Variants in UBE2Q1 observed in about 807,000 individuals in gnomAD.
UBE2Q1 encodes the protein ubiquitin conjugating enzyme E2 Q1.
Under a neutral mutation model 60.1 loss-of-function variants are expected in UBE2Q1, and 6 were observed. The ratio of observed to expected loss-of-function variants is 0.10; its 90% CI spans 0.05 to 0.20. UBE2Q1 has a LOEUF of 0.20. Among genes scored for constraint, UBE2Q1 ranks in the 10% least tolerant of loss-of-function variants. UBE2Q1 has a pLI of 1.00. For synonymous variants in UBE2Q1, 226 were observed against 208.3 expected, an observed-to-expected ratio of 1.09 and a Z score of -0.73; for missense variants, 262 against 525.8, an observed-to-expected ratio of 0.50 and a Z score of 4.91.
chr1:154,554,539 T>C, intron 4 of UBE2Q1, 196 bp downstream of exon 4: 1 of 553,642 alleles, frequency 1.8e-6, no homozygotes, highest in Non-Finnish European at 3.2e-6. Flanking sequence ...TGAACCGCGC[T>C]GCACCTGTCT....
rs1695794037 is a variant in UBE2Q1, at chr1:154,551,751, A to C, written c.1074+20T>G. ...ATCCCCGCCCAGGCCGGCCTGGCCA[A>C]GGAGGAGAGACAGGCTCACCTGTTT... On this transcript the variant is annotated intron_variant, in intron 10 of 12. Coordinates refer to ENST00000292211, the MANE Select transcript of UBE2Q1 (RefSeq NM_017582.7). The C allele has an allele frequency of 6.2e-7, 1 of 1,614,022 alleles. No individual in the cohort carries two copies. Among genetic ancestry groups the C allele is most frequent in the Non-Finnish European group, 8.5e-7 (1 of 1,179,982 alleles).
rs756189850 is a variant in UBE2Q1, at chr1:154,551,754, A to T, written c.1074+17T>A. 1 of 1,614,140 alleles carries T rather than the reference A, an allele frequency of 6.2e-7. No individual in the cohort carries two copies. Among genetic ancestry groups the T allele is most frequent in the Non-Finnish European group, 8.5e-7 (1 of 1,180,004 alleles). ...CCCGCCCAGGCCGGCCTGGCCAAGG[A>T]GGAGAGACAGGCTCACCTGTTTGGT... On this transcript the variant is annotated intron_variant, in intron 10 of 12. Coordinates refer to ENST00000292211, the MANE Select transcript of UBE2Q1 (RefSeq NM_017582.7).
chr1:154,556,017 C>T lies in UBE2Q1; in HGVS notation c.328-53G>A, dbSNP rs1695879867. On this transcript the variant is annotated intron_variant, in intron 1 of 12. Transcript: ENST00000292211. ...TCAAAATGGGTGACTCTGGGAAAAGCCAGATTTTGCCTGTCCTCTTCCCCC... is the reference window on the plus strand; with the variant it reads ...TCAAAATGGGTGACTCTGGGAAAAGTCAGATTTTGCCTGTCCTCTTCCCCC... 7 of 1,518,302 alleles carry T rather than the reference C, an allele frequency of 4.6e-6. No homozygotes were observed. The Admixed American group carries it at 8.4e-5, about 18-fold the overall frequency. 94.1% of individuals were successfully genotyped at this position (1,518,302 alleles called of 1,614,324 possible).
chr1:154,553,238 C>T (rs1476415539), intron 4 of UBE2Q1, 66 bp from the exon 5 acceptor site: 2 of 1,565,304 alleles, frequency 1.3e-6, no homozygotes, highest in African/African-American at 2.7e-5. Context: ...AGAGAATGAC[C>T]ATCACCTTCC....
chr1:154,558,449 CG>C lies in UBE2Q1; in HGVS notation c.104del (p.Pro35ArgfsTer7). The C allele has an allele frequency of 6.8e-7, 1 of 1,468,408 alleles. No individual in the cohort carries two copies. 91.0% of individuals were successfully genotyped at this position (1,468,408 alleles called of 1,614,324 possible). A position where few individuals can be genotyped will look rare whatever the true frequency, so the allele number is the denominator to read the frequency against. ...CTCGCCTCAGGCAGGGCCCCGGCCC[CG>C]GGCCCCCCCCTGGGCCGCCCCCGGC... ...PGAGGGPGGG[P>X]GPGPCLRREL... On this transcript the variant is annotated frameshift_variant, in exon 1 of 13. Transcript: ENST00000292211. LOFTEE classifies it high-confidence loss of function.
At chr1:154,557,432 T>C (rs1412034014) in intron 1 of UBE2Q1, among the ~76,000 whole-genome samples, 1 of 152,166 alleles carries the variant, frequency 6.6e-6, no homozygotes, top group Admixed American at 6.5e-5. Context: ...GCAGGAGACA[T>C]GTAAGGTGTA....
At chr1:154,552,499 G>A (rs1338271215) in intron 6 of UBE2Q1, 35 bp from the exon 7 acceptor site, 1 of 1,612,458 alleles carries the variant, frequency 6.2e-7, no homozygotes, top group South Asian at 1.1e-5. Flanking sequence ...TTAGTAGAAT[G>A]GTCCAGGTGG....
chr1:154,558,126 G>A (rs1028823306), intron 1 of UBE2Q1, 101 bp downstream of exon 1: 2 of 964,722 alleles, frequency 2.1e-6, no homozygotes, highest in Non-Finnish European at 3.0e-6. Context: ...CCTGAGAGGG[G>A]CTTCGGCCTC....
chr1:154,554,627 C>A, intron 4 of UBE2Q1, 108 bp downstream of exon 4: 1 of 1,171,260 alleles, frequency 8.5e-7, no homozygotes, highest in African/African-American at 1.5e-5. Context: ...GTCTTTATTC[C>A]TTTGATATTT....
intron 2 of UBE2Q1, 38 bp downstream of exon 2, chr1:154,555,822 T>G: frequency 6.3e-7 from 1 of 1,592,288 alleles, no homozygotes; most frequent in Non-Finnish European, 8.6e-7. Context: ...ATGGGCCTCA[T>G]AAGAACAAAA....
In UBE2Q1 at chr1:154,558,577, G is replaced by A. The variant is rs1695936332; in HGVS notation, c.-24C>T. 2 of 1,019,004 alleles carry A rather than the reference G, an allele frequency of 2.0e-6. No homozygotes were observed. The highest frequency in any genetic ancestry group is 2.3e-6 in the Non-Finnish European group (2 of 856,502). 63.1% of individuals were successfully genotyped at this position (1,019,004 alleles called of 1,614,324 possible). Reference sequence around the variant, plus strand: ...ATCCTCCGCTCCGCTCCGCTCCGGGGCCGGCGGGCCGGGAGCCTCCGGCCT... The same window carrying A: ...ATCCTCCGCTCCGCTCCGCTCCGGGACCGGCGGGCCGGGAGCCTCCGGCCT... On this transcript the variant is annotated 5_prime_UTR_variant, in exon 1 of 13. Coordinates refer to ENST00000292211, the MANE Select transcript of UBE2Q1 (RefSeq NM_017582.7).
intron 6 of UBE2Q1, 74 bp downstream of exon 6, chr1:154,552,662 C>T (rs1478353901): frequency 6.4e-7 from 1 of 1,553,742 alleles, no homozygotes; most frequent in African/African-American, 1.4e-5. Flanking sequence ...ACCCCAGAAC[C>T]TCTTGGGCCC....
At chr1:154,552,514 T>A in intron 6 of UBE2Q1, 50 bp from the exon 7 acceptor site, 1 of 1,603,038 alleles carries the variant, frequency 6.2e-7, no homozygotes. Context: ...AGGTGGTGAG[T>A]GGTCTCTAAT....
rs922938317 is a variant in UBE2Q1 at position 154,556,106 on chromosome 1, G to A, written c.328-142C>T. On this transcript the variant is annotated intron_variant, in intron 1 of 12. Coordinates refer to ENST00000292211, the MANE Select transcript of UBE2Q1 (RefSeq NM_017582.7). ...TACACACACATAAAAGCCCAACTTA[G>A]GTCAGCATCTAACCAAGCAGCTTCA... 4.9e-6 allele frequency: 3 copies of A among 606,906 alleles called. No homozygotes were observed. The African/African-American group carries it at 6.9e-5, about 14-fold the overall frequency. 37.6% of individuals were successfully genotyped at this position (606,906 alleles called of 1,614,324 possible). A position where few individuals can be genotyped will look rare whatever the true frequency, so the allele number is the denominator to read the frequency against.
chr1:154,553,857 G>A (rs1488183029), intron 4 of UBE2Q1, among the ~76,000 whole-genome samples: 2 of 152,242 alleles, frequency 1.3e-5, no homozygotes, highest in Non-Finnish European at 2.9e-5. Flanking sequence ...GATGTTGGGG[G>A]TGTGGCCCAG....
rs1487283777 is a variant in UBE2Q1 at position 154,558,105 on chromosome 1, A to G, written c.327+122T>C. Reference sequence around the variant, plus strand: ...CAGAAACAAATGTAACCTGGAGAGAAAGAACTGAGCCCTGAGAGGGGCTTC... The same window carrying G: ...CAGAAACAAATGTAACCTGGAGAGAGAGAACTGAGCCCTGAGAGGGGCTTC... On this transcript the variant is annotated intron_variant, in intron 1 of 12. Coordinates refer to ENST00000292211, the MANE Select transcript of UBE2Q1 (RefSeq NM_017582.7). 6 of 738,610 alleles carry G rather than the reference A, an allele frequency of 8.1e-6. No homozygotes were observed. In the African/African-American group the frequency reaches 1.1e-4, roughly 14 times the overall value. 45.8% of individuals were successfully genotyped at this position (738,610 alleles called of 1,614,324 possible). A position where few individuals can be genotyped will look rare whatever the true frequency, so the allele number is the denominator to read the frequency against.
At chr1:154,553,193 G>A (rs1384684051) in intron 4 of UBE2Q1, 21 bp from the exon 5 acceptor site, 2 of 1,599,078 alleles carry the variant, frequency 1.3e-6, no homozygotes, top group Non-Finnish European at 1.7e-6. Flanking sequence ...TGTGGGGTGG[G>A]AGTGAAAAGA....
At chr1:154,550,796 C>T (rs1695779628) in intron 12 of UBE2Q1, 142 bp downstream of exon 12, 2 of 1,552,028 alleles carry the variant, frequency 1.3e-6, no homozygotes, top group African/African-American at 1.4e-5. Flanking sequence ...GCCAGTCCCT[C>T]CTGGGAGAAC....
Position 154,551,971 on chromosome 1 carries a change from A to G in UBE2Q1, c.975T>C (p.Phe325=). Residue 325 remains phenylalanine, a synonymous_variant, in exon 9 of 13, where the codon TTT becomes TTC. Coordinates refer to ENST00000292211, the MANE Select transcript of UBE2Q1 (RefSeq NM_017582.7). Reference sequence around the variant, plus strand: ...CCCTGACAAATGGTGGGTCAAAGGGAAAGTTATCCTGAGAGAGAGAGAGAC... The same window carrying G: ...CCCTGACAAATGGTGGGTCAAAGGGGAAGTTATCCTGAGAGAGAGAGAGAC... The part of the protein sequence containing the change: ...ILLNFSFKDN[F]PFDPPFVRVV... 1 of 1,614,160 alleles carries G rather than the reference A, an allele frequency of 6.2e-7. No individual in the cohort carries two copies. Among genetic ancestry groups the G allele is most frequent in the Non-Finnish European group, 8.5e-7 (1 of 1,180,026 alleles).
Sources: gnomAD v4.1 joint callset for allele counts (sites outside exome capture counted in the v4.1 genomes callset) on GRCh38, gnomAD v4.1.1 for gene constraint, MANE v1.5 for transcripts, NCBI Gene and HGNC (gene_info 2026-07-23, HGNC 2026-07-21) for gene names.